The following ABCA12 variants were observed in gnomAD, a reference collection of about 807,000 sequenced individuals.
The protein encoded by ABCA12 is ATP binding cassette subfamily A member 12.
Under a neutral mutation model 293.5 loss-of-function variants are expected in ABCA12, and 156 were observed. The ratio of observed to expected loss-of-function variants is 0.53; its 90% confidence interval spans 0.47 to 0.61. ABCA12 has a LOEUF of 0.61. ABCA12 is among the 20% of genes least tolerant of loss of function. The pLI is 0.00. For missense variants in ABCA12, 2,797 were observed against 3,090.2 expected (o/e 0.91, Z 2.25); for synonymous variants, 1,063 against 1,108.0 (o/e 0.96, Z 0.81).
At chr2:215,121,263 T>G (rs1293131963) in intron 1 of ABCA12, among the ~76,000 whole-genome samples, 1 of 152,202 alleles carries the variant, frequency 6.6e-6, no homozygotes, top group Non-Finnish European at 1.5e-5. Flanking sequence ...CAAAATGGAT[T>G]ACTGGCTGTC....
At chr2:215,019,119 T>A (rs935897600) in intron 13 of ABCA12, among the ~76,000 whole-genome samples, 1 of 152,242 alleles carries the variant, frequency 6.6e-6, no homozygotes, top group Non-Finnish European at 1.5e-5. Context: ...AAGATCTTTT[T>A]GCTGTGAAAT....
chr2:215,074,979 A>G lies in ABCA12; in HGVS notation c.164-10760T>C, dbSNP rs545864345. Among the ~76,000 whole-genome samples, 3 of 152,138 alleles carry G rather than the reference A, an allele frequency of 2.0e-5. No homozygotes were observed. In the East Asian group the frequency reaches 5.8e-4, roughly 29 times the overall value. ...TAAAAATAAATAAATAAATAAATAA[A>G]TGTACTGGGATAGATACAGCTTTTA... On this transcript the variant is annotated intron_variant, in intron 2 of 52. Transcript: ENST00000272895.
intron 1 of ABCA12, among the ~76,000 whole-genome samples, chr2:215,119,734 T>TAAAAAAAAAAAAA (rs386654995): frequency 1.3e-5 from 1 of 75,606 alleles, no homozygotes; most frequent in African/African-American, 3.8e-5. Context: ...CATTAAAAAG[T>TAAAAAAAAAAAAA]AAAAAAAAAA....
chr2:214,978,380 A>G lies in ABCA12; in HGVS notation c.5064T>C (p.Asn1688=), dbSNP rs1052002264. 2 of 1,614,030 alleles carry G rather than the reference A, an allele frequency of 1.2e-6. No individual in the cohort carries two copies. The highest frequency in any genetic ancestry group is 1.1e-5 in the South Asian group (1 of 91,078). ...CGTCAGGAGTTGAGATGCCATTGGC[A>G]TTGGAATTCCCAATTTTCTTTTGTG... ...HLTQKKIGNS[N]ANGISTPDDL... Residue 1688 remains asparagine, a synonymous_variant, in exon 33 of 53, where the codon AAT becomes AAC. Coordinates refer to ENST00000272895, the MANE Select transcript of ABCA12 (RefSeq NM_173076.3).
rs1574915379 is a variant in ABCA12 at position 214,932,547 on chromosome 2, A to AAGAT, written c.*83_*86dup. 4.2e-6 allele frequency: 4 copies of AAGAT among 957,374 alleles called. No individual in the cohort carries two copies. In the East Asian group the frequency reaches 1.0e-4, roughly 24 times the overall value. The allele number at this position is 957,374 out of a possible 1,614,324, so 59.3% of individuals were successfully genotyped here. A position where few individuals can be genotyped will look rare whatever the true frequency, so the allele number is the denominator to read the frequency against. ...CAGTATATTACTTTACTTTAAAATG[A>AAGAT]AGATATCTTGCGGAAGTGTATCTTC... On this transcript the variant is annotated 3_prime_UTR_variant, in exon 53 of 53. Transcript: ENST00000272895.
chr2:214,979,701 A>G (rs1402521738), intron 31 of ABCA12, among the ~76,000 whole-genome samples: 3 of 152,268 alleles, frequency 2.0e-5, no homozygotes, highest in South Asian at 4.1e-4. Context: ...CTGTGTCACC[A>G]CTGCCTGGGA....
intron 33 of ABCA12, among the ~76,000 whole-genome samples, chr2:214,977,383 T>A (rs1471558997): frequency 6.6e-6 from 1 of 152,082 alleles, no homozygotes; most frequent in African/African-American, 2.4e-5. Context: ...AGAAAAGAAA[T>A]GAGAACTATG....
At chr2:215,016,582 C>CAA (rs71041981) in intron 14 of ABCA12, among the ~76,000 whole-genome samples, 595 of 29,910 alleles carry the variant, frequency 0.02, 140 homozygotes, top group African/African-American at 0.04. Context: ...GACTCTGTCT[C>CAA]AAAAAAAAAA....
At chr2:214,952,412 G>C (rs1394191689) in intron 44 of ABCA12, among the ~76,000 whole-genome samples, 2 of 152,014 alleles carry the variant, frequency 1.3e-5, no homozygotes, top group African/African-American at 2.4e-5. Flanking sequence ...GTAGAGATGG[G>C]GTTTCACCAT....
chr2:215,106,037 G>A (rs1381327297), intron 2 of ABCA12, among the ~76,000 whole-genome samples: 1 of 152,150 alleles, frequency 6.6e-6, no homozygotes, highest in African/African-American at 2.4e-5. Context: ...TGGAGAGCAA[G>A]GTGCAGTCTG....
rs1463712085 is a variant in ABCA12, at chr2:214,964,719, A to C, written c.5884+2129T>G. On this transcript the variant is annotated intron_variant, in intron 39 of 52. Transcript: ENST00000272895. ...AGAACAACAAACCACTGCTCAAAGC[A>C]ATCAGAGAGAACACAAACAAATGGA... 2.0e-5 allele frequency among the ~76,000 whole-genome samples: 3 copies of C among 152,356 alleles called. No homozygotes were observed. In the East Asian group the frequency reaches 5.8e-4, roughly 29 times the overall value.
At chr2:215,040,305 T>A (rs1226995642) in intron 7 of ABCA12, among the ~76,000 whole-genome samples, 3 of 152,180 alleles carry the variant, frequency 2.0e-5, no homozygotes, top group Admixed American at 6.5e-5. Context: ...TGGAAACCAT[T>A]TATCTGATAA....
rs974391657 is a variant in ABCA12 at position 214,973,876 on chromosome 2, A to C, written c.5562+73T>G. 4 of 1,272,722 alleles carry C rather than the reference A, an allele frequency of 3.1e-6. No individual in the cohort carries two copies. In the African/African-American group the frequency reaches 4.4e-5, roughly 14 times the overall value. 78.8% of individuals were successfully genotyped at this position (1,272,722 alleles called of 1,614,324 possible). The stretch of plus-strand genomic sequence containing the variant: ...ACTTATACTGATTCTTTGGTAACCT[A>C]GAGAGATCTTTCGAGCTTTCGATAT... On this transcript the variant is annotated intron_variant, in intron 36 of 52. Transcript: ENST00000272895.
At chr2:214,984,793 G>GACCATC (rs1320777307) in intron 28 of ABCA12, among the ~76,000 whole-genome samples, 5 of 151,994 alleles carry the variant, frequency 3.3e-5, no homozygotes, top group African/African-American at 4.8e-5. Flanking sequence ...ATCCTCATGG[G>GACCATC]ACCATCACCA....
Position 215,137,179 on chromosome 2 carries a change from T to A in ABCA12, c.69+961A>T, listed in dbSNP as rs531048014. ...TCACAAGGGTAAATGAACATCTACT[T>A]CCTCCTCTTACTACACACATCAAAA... On this transcript the variant is annotated intron_variant, in intron 1 of 52. Transcript: ENST00000272895. Among the ~76,000 whole-genome samples, 10 of 152,254 alleles carry A rather than the reference T, an allele frequency of 6.6e-5. No individual in the cohort carries two copies. The South Asian group carries it at 2.1e-3, about 32-fold the overall frequency.
rs1344296862 is a variant in ABCA12 at position 215,045,985 on chromosome 2, C to CT, written c.723dup (p.Val242SerfsTer27). On this transcript the variant is annotated frameshift_variant, in exon 7 of 53. Transcript: ENST00000272895. LOFTEE classifies it high-confidence loss of function. ...AGCATTCTGACTATTTCCTGAAACA[C>CT]TATCTTCTGATTGTTGGGGTCACTG... 3 of 1,613,542 alleles carry CT rather than the reference C, an allele frequency of 1.9e-6. No homozygotes were observed. Among genetic ancestry groups the CT allele is most frequent in the Non-Finnish European group, 2.5e-6 (3 of 1,179,792 alleles).
chr2:214,988,630 C>T (rs563161568), intron 26 of ABCA12, among the ~76,000 whole-genome samples: 6 of 152,234 alleles, frequency 3.9e-5, no homozygotes, highest in South Asian at 4.1e-4. Context: ...TGTCTTCTTC[C>T]GTTAGAATCT....
At chr2:215,067,587 C>T (rs1042216743) in intron 2 of ABCA12, among the ~76,000 whole-genome samples, 38 of 152,100 alleles carry the variant, frequency 2.5e-4, no homozygotes, top group Non-Finnish European at 1.6e-4. Flanking sequence ...CTGCCAATTT[C>T]ATAGGGTCGA....
At position 215,134,599 on chromosome 2, in the gene ABCA12, CTATA is replaced by C. The variant is rs1161603641; in HGVS notation, c.69+3537_69+3540del. 2.2e-3 allele frequency among the ~76,000 whole-genome samples: 189 copies of C among 85,252 alleles called. 7 individuals carry two copies. Among genetic ancestry groups the C allele is most frequent in the African/African-American group, 4.9e-3 (64 of 13,014 alleles). The allele number at this position is 85,252 out of a possible 152,430, so 55.9% of individuals were successfully genotyped here. ...ATAATCTCTCTCTCTCTCTCTCTCT[CTATA>C]TATATATATATATAGAGAGAGAGAG... On this transcript the variant is annotated intron_variant, in intron 1 of 52. Coordinates refer to ENST00000272895, the MANE Select transcript of ABCA12 (RefSeq NM_173076.3).
Sources: gnomAD v4.1 joint callset for allele counts (sites outside exome capture counted in the v4.1 genomes callset) on GRCh38, gnomAD v4.1.1 for gene constraint, MANE v1.5 for transcripts, NCBI Gene and HGNC (gene_info 2026-07-23, HGNC 2026-07-21) for gene names.